Variants in COL4A5 observed in about 807,000 individuals in gnomAD.
COL4A5 encodes collagen alpha-5(IV) chain.
A neutral mutation model predicts 130.2 loss-of-function variants in COL4A5; 26 were observed. The observed-to-expected ratio is 0.20, with a 90% CI of 0.15 to 0.28. COL4A5 has a LOEUF of 0.28. COL4A5 is among the 10% of genes least tolerant of loss of function. The pLI is 1.00. For missense variants in COL4A5, 1,131 were observed against 1,344.3 expected (o/e 0.84, Z 2.48); for synonymous variants, 496 against 439.6 (o/e 1.13, Z -1.60).
chrX:108,458,542 C>T (rs762054458), intron 1 of COL4A5, among the ~76,000 whole-genome samples: 3 of 111,730 alleles, frequency 2.7e-5, no homozygotes, highest in African/African-American at 9.7e-5. Context: ...ATAAATTTTA[C>T]AGTTACCTTG....
At chrX:108,492,330 C>T (rs992575764) in intron 1 of COL4A5, among the ~76,000 whole-genome samples, 32 of 111,420 alleles carry the variant, frequency 2.9e-4, no homozygotes, top group African/African-American at 1.0e-3. Context: ...TTTCAGTGGC[C>T]ACACAACAAA....
chrX:108,552,685 C>T (rs987855022), intron 2 of COL4A5, among the ~76,000 whole-genome samples: 24 of 111,779 alleles, frequency 2.1e-4, no homozygotes, highest in Non-Finnish European at 7.5e-5. Context: ...AATTGGAAGA[C>T]TCAATATTGT....
At chrX:108,468,107 T>C (rs962069929) in intron 1 of COL4A5, among the ~76,000 whole-genome samples, 13 of 111,943 alleles carry the variant, frequency 1.2e-4, no homozygotes, top group Non-Finnish European at 2.3e-4. Flanking sequence ...TTTTATACTA[T>C]ATTTTAAATA....
At chrX:108,595,404 T>C in intron 21 of COL4A5, 105 bp from the exon 22 acceptor site, 1 of 666,321 alleles carries the variant, frequency 1.5e-6, no homozygotes, top group African/African-American at 2.1e-5. Flanking sequence ...AATCACACCA[T>C]TAAGTGGAAA....
chrX:108,612,136 G>A (rs1224136219), intron 29 of COL4A5, among the ~76,000 whole-genome samples: 1 of 111,021 alleles, frequency 9.0e-6, no homozygotes, highest in Non-Finnish European at 1.9e-5. Context: ...GGAATAAAAG[G>A]GAACTTCCTT....
chrX:108,490,053 A>G, intron 1 of COL4A5, among the ~76,000 whole-genome samples: 1 of 111,799 alleles, frequency 8.9e-6, no homozygotes, highest in Admixed American at 9.5e-5. Context: ...AACATCTTGC[A>G]GAACAGTTGC....
chrX:108,602,405 A>G (rs1264781900), intron 27 of COL4A5, among the ~76,000 whole-genome samples: 1 of 112,410 alleles, frequency 8.9e-6, no homozygotes, highest in Non-Finnish European at 1.9e-5. Flanking sequence ...TTCTTGATTT[A>G]TTGAAATTTT....
In COL4A5 at chrX:108,687,488, G is replaced by A. The variant is rs1225113105; in HGVS notation, c.4322G>A (p.Arg1441His). 5 of 1,210,458 alleles carry A rather than the reference G, an allele frequency of 4.1e-6. No individual in the cohort carries two copies. The highest frequency in any genetic ancestry group is 2.2e-5 in the Admixed American group (1 of 46,025). Residue 1441 changes from arginine (R) to histidine (H), a missense_variant, in exon 49 of 53, where the codon CGT becomes CAT. Transcript: ENST00000328300. ...DPGLPGQPGTRGLDGPPGPDG... is the reference protein window; with the variant it reads ...DPGLPGQPGTHGLDGPPGPDG... The stretch of plus-strand genomic sequence containing the variant: ...GATTATTTCGTGGAAATAGGTACCC[G>A]TGGTTTGGATGGTCCCCCTGGTCCA...
intron 2 of COL4A5, among the ~76,000 whole-genome samples, chrX:108,554,009 C>A (rs377092237): frequency 1.3e-4 from 14 of 111,536 alleles, no homozygotes; most frequent in African/African-American, 4.6e-4. Flanking sequence ...ATATAAAATT[C>A]TAGAAAATGC....
chrX:108,617,519 C>T (rs940629548), intron 30 of COL4A5, among the ~76,000 whole-genome samples: 2 of 111,562 alleles, frequency 1.8e-5, no homozygotes, highest in Non-Finnish European at 3.8e-5. Context: ...CAGTTTAACA[C>T]GGTTATAAGA....
intron 1 of COL4A5, among the ~76,000 whole-genome samples, chrX:108,480,228 C>G (rs1288066581): frequency 8.9e-6 from 1 of 112,379 alleles, no homozygotes; most frequent in Admixed American, 9.4e-5. Context: ...GTGCCTCTTT[C>G]TTGATTGTAG....
chrX:108,573,602 C>T lies in COL4A5; in HGVS notation c.494C>T (p.Ser165Leu). Residue 165 changes from serine to leucine, a missense_variant, in exon 9 of 53, where the codon TCA becomes TTA. Transcript: ENST00000328300. ...KGEPGSIIMS[S>L]LPGPKGNPGY... Reference sequence around the variant, plus strand: ...GAACCAGGTAGTATAATTATGTCATCACTGCCAGGACCAAAGGGTAATCCA... The same window carrying T: ...GAACCAGGTAGTATAATTATGTCATTACTGCCAGGACCAAAGGGTAATCCA... 3 of 1,204,761 alleles carry T rather than the reference C, an allele frequency of 2.5e-6. No homozygotes were observed. Among genetic ancestry groups the T allele is most frequent in the Non-Finnish European group, 3.4e-6 (3 of 889,242 alleles).
At chrX:108,680,616 C>T in intron 44 of COL4A5, 63 bp from the exon 45 acceptor site, 8 of 916,613 alleles carry the variant, frequency 8.7e-6, no homozygotes, top group Non-Finnish European at 1.3e-5. Flanking sequence ...ATTCTTATGC[C>T]CTCAATCACC....
chrX:108,594,557 G>A (rs1051900802), intron 21 of COL4A5, among the ~76,000 whole-genome samples: 3 of 110,073 alleles, frequency 2.7e-5, no homozygotes, highest in African/African-American at 6.6e-5. Flanking sequence ...TATGCCATTC[G>A]TTATAAACTG....
intron 37 of COL4A5, among the ~76,000 whole-genome samples, chrX:108,664,357 T>C (rs2068030102): frequency 8.9e-6 from 1 of 111,862 alleles, no homozygotes; most frequent in African/African-American, 3.2e-5. Flanking sequence ...AACATCTAGA[T>C]ATTCGTATGG....
chrX:108,589,043 T>A (rs2066388181), intron 19 of COL4A5, among the ~76,000 whole-genome samples: 1 of 111,511 alleles, frequency 9.0e-6, no homozygotes, highest in African/African-American at 3.2e-5. Context: ...AGAAAATATA[T>A]TAGTAAAGCA....
At chrX:108,521,075 G>A (rs1266773832) in intron 1 of COL4A5, among the ~76,000 whole-genome samples, 11 of 111,519 alleles carry the variant, frequency 9.9e-5, no homozygotes, top group Non-Finnish European at 9.4e-5. Context: ...ATAAATACCT[G>A]AGCATGCATC....
chrX:108,654,776 C>A (rs967599309), intron 36 of COL4A5, among the ~76,000 whole-genome samples: 3 of 112,423 alleles, frequency 2.7e-5, no homozygotes, highest in African/African-American at 9.7e-5. Flanking sequence ...TGATAGACTT[C>A]CTTATGTTAC....
chrX:108,565,929 G>A (rs981131068), intron 4 of COL4A5, among the ~76,000 whole-genome samples: 7 of 109,603 alleles, frequency 6.4e-5, no homozygotes, highest in East Asian at 2.9e-4. Flanking sequence ...TATAGGTAGT[G>A]TTGTGAACTT....
Sources: allele counts gnomAD v4.1 joint callset (sites outside exome capture counted in the v4.1 genomes callset), GRCh38; gene constraint gnomAD v4.1.1; transcripts MANE v1.5; gene names NCBI Gene and HGNC (gene_info 2026-07-23, HGNC 2026-07-21).